ATL2: variants seen among roughly 807,000 people sequenced by gnomAD.
ATL2 encodes the protein atlastin GTPase 2.
Under a neutral mutation model 73.9 loss-of-function variants are expected in ATL2, and 31 were observed. The observed-to-expected ratio is 0.42, with a 90% confidence interval of 0.32 to 0.57. The LOEUF (loss-of-function observed/expected upper bound fraction) is 0.57, where lower values mean the gene tolerates loss of function less well. ATL2 is among the 20% of genes least tolerant of loss of function. The probability of loss-of-function intolerance (pLI) is 0.14; values close to 1 mark genes in which losing one functional copy is unlikely to be tolerated. For synonymous variants in ATL2, 291 were observed against 237.5 expected (o/e 1.23, Z -2.07); for missense variants, 738 against 702.6 (o/e 1.05, Z -0.57).
intron 5 of ATL2, among the ~76,000 whole-genome samples, chr2:38,314,976 C>A (rs906168599): frequency 6.6e-6 from 1 of 152,196 alleles, no homozygotes; most frequent in African/African-American, 2.4e-5. Context: ...CGCAGACGGG[C>A]GCAGCGGCTC....
intron 2 of ATL2, among the ~76,000 whole-genome samples, chr2:38,330,146 A>G (rs1244626773): frequency 6.6e-6 from 1 of 151,816 alleles, no homozygotes; most frequent in East Asian, 1.9e-4. Flanking sequence ...AAGAAAGAAA[A>G]AAAAAACACA....
At chr2:38,359,313 T>C (rs1342983229) in intron 1 of ATL2, among the ~76,000 whole-genome samples, 1 of 151,866 alleles carries the variant, frequency 6.6e-6, no homozygotes, top group Non-Finnish European at 1.5e-5. Context: ...CCACTAAAAA[T>C]ACAAAAATTA....
At chr2:38,367,753 C>T (rs1011260487) in intron 1 of ATL2, among the ~76,000 whole-genome samples, 4 of 150,742 alleles carry the variant, frequency 2.7e-5, no homozygotes, top group South Asian at 2.1e-4. Flanking sequence ...CAGCCTCAGC[C>T]TCTGGAGTAG....
chr2:38,337,357 G>A (rs957719590), intron 2 of ATL2, among the ~76,000 whole-genome samples: 9 of 150,704 alleles, frequency 6.0e-5, no homozygotes, highest in East Asian at 3.9e-4. Context: ...GTCGTGGTGC[G>A]CACCTGTAAA....
At chr2:38,314,519 A>G in intron 6 of ATL2, 89 bp downstream of exon 6, 1 of 855,334 alleles carries the variant, frequency 1.2e-6, no homozygotes, top group Admixed American at 2.2e-5. Flanking sequence ...AGTCTATTGT[A>G]ATATCCTGGT....
At chr2:38,325,660 GTA>G (rs1491129243) in intron 2 of ATL2, among the ~76,000 whole-genome samples, 27 of 5,208 alleles carry the variant, frequency 5.2e-3, no homozygotes, top group Non-Finnish European at 9.5e-3. Context: ...ACACACACCA[GTA>G]CACACACACA....
chr2:38,316,264 T>A (rs1668019403), intron 4 of ATL2, among the ~76,000 whole-genome samples: 1 of 152,172 alleles, frequency 6.6e-6, no homozygotes. Context: ...AACAAGGATT[T>A]AAAAAGTAAT....
chr2:38,316,881 T>C (rs148274105), intron 4 of ATL2, among the ~76,000 whole-genome samples: 3,235 of 152,240 alleles, frequency 0.021, 35 homozygotes, highest in Non-Finnish European at 0.03. Context: ...CCTGAGGGGC[T>C]TCTGCTTGCT....
Position 38,299,255 on chromosome 2 carries a change from C to A in ATL2, c.1200+1G>T. 6.6e-7 allele frequency: 1 copy of A among 1,509,656 alleles called. No homozygotes were observed. The highest frequency in any genetic ancestry group is 8.8e-7 in the Non-Finnish European group (1 of 1,139,312). 93.5% of individuals were successfully genotyped at this position (1,509,656 alleles called of 1,614,324 possible). On this transcript the variant is annotated splice_donor_variant, in intron 11 of 12. Transcript: ENST00000378954. LOFTEE classifies it high-confidence loss of function. ...ATCAAATTTAAATTTTAGGTACAAACCTGTTCCATACTTTTACAATAGGTA... is the reference window on the plus strand; with the variant it reads ...ATCAAATTTAAATTTTAGGTACAAAACTGTTCCATACTTTTACAATAGGTA...
At chr2:38,365,176 C>CACACACACAAAT (rs1553342194) in intron 1 of ATL2, among the ~76,000 whole-genome samples, 47 of 138,428 alleles carry the variant, frequency 3.4e-4, no homozygotes, top group African/African-American at 1.6e-3. Flanking sequence ...AATACACACA[C>CACACACACAAAT]ACACACACAC....
chr2:38,359,402 C>T (rs1400646961), intron 1 of ATL2: 4 of 149,232 alleles, frequency 2.7e-5, no homozygotes, highest in South Asian at 2.1e-4. Context: ...CCCCAGAGCC[C>T]GGGAGAGGGA....
chr2:38,338,007 T>A (rs1410082874), intron 2 of ATL2, among the ~76,000 whole-genome samples: 2 of 152,210 alleles, frequency 1.3e-5, no homozygotes, highest in Non-Finnish European at 2.9e-5. Context: ...CATTGTAAAC[T>A]GATTCCTAGA....
chr2:38,364,493 A>G (rs1190044160), intron 1 of ATL2, among the ~76,000 whole-genome samples: 2 of 152,220 alleles, frequency 1.3e-5, no homozygotes, highest in Non-Finnish European at 2.9e-5. Flanking sequence ...GACAGTAAAA[A>G]TGGAAGAGCT....
chr2:38,323,770 T>TG (rs372171212), intron 2 of ATL2, among the ~76,000 whole-genome samples: 17 of 152,130 alleles, frequency 1.1e-4, no homozygotes, highest in African/African-American at 4.1e-4. Flanking sequence ...TGGAGAGCAA[T>TG]GGCACGATCA....
At chr2:38,349,378 A>G (rs924889110) in intron 1 of ATL2, among the ~76,000 whole-genome samples, 1 of 151,616 alleles carries the variant, frequency 6.6e-6, no homozygotes, top group Admixed American at 6.6e-5. Flanking sequence ...TTGTAGGGAC[A>G]TGGATGAAAT....
intron 1 of ATL2, among the ~76,000 whole-genome samples, chr2:38,362,318 C>T (rs1243716396): frequency 6.6e-6 from 1 of 152,088 alleles, no homozygotes; most frequent in East Asian, 1.9e-4. Context: ...AGACATATCA[C>T]GGGGCAAAAA....
chr2:38,378,509 T>C (rs1474274168), upstream of ATL2, among the ~76,000 whole-genome samples: 1 of 152,240 alleles, frequency 6.6e-6, no homozygotes, highest in African/African-American at 2.4e-5. Flanking sequence ...AGTGCTGGGA[T>C]TACAGGCGTG....
intron 2 of ATL2, among the ~76,000 whole-genome samples, chr2:38,325,903 G>GT (rs951615637): frequency 3.0e-4 from 9 of 29,668 alleles, no homozygotes; most frequent in African/African-American, 3.4e-4. Context: ...TTGTTTGTTT[G>GT]TTTAAAAAAA....
chr2:38,357,006 T>C (rs1055421702), intron 1 of ATL2, among the ~76,000 whole-genome samples: 2 of 152,126 alleles, frequency 1.3e-5, no homozygotes, highest in African/African-American at 4.8e-5. Flanking sequence ...TTGTATACAG[T>C]ACATAATTTA....
Sources: allele counts gnomAD v4.1 joint callset (sites outside exome capture counted in the v4.1 genomes callset), GRCh38; gene constraint gnomAD v4.1.1; transcripts MANE v1.5; gene names NCBI Gene and HGNC (gene_info 2026-07-23, HGNC 2026-07-21).